YJEFN3: variants seen among roughly 807,000 people sequenced by gnomAD.
YJEFN3 encodes yjeF N-terminal domain-containing protein 3.
YJEFN3 carries 29 observed loss-of-function variants against 31.5 expected under a neutral mutation model. The ratio of observed to expected loss-of-function variants is 0.92; its 90% confidence interval spans 0.69 to 1.26. The LOEUF is 1.26. YJEFN3 is among the 50% of genes most tolerant of loss of function. YJEFN3 has a pLI of 0.00. For missense variants in YJEFN3, 442 were observed against 425.4 expected (o/e 1.04, Z -0.34); for synonymous variants, 227 against 196.1 (o/e 1.16, Z -1.32).
In YJEFN3 at chr19:19,537,437, C is replaced by A. The variant is rs780910624; in HGVS notation, c.813C>A (p.Ala271=). 1.3e-6 allele frequency: 2 copies of A among 1,588,584 alleles called. No homozygotes were observed. Among genetic ancestry groups the A allele is most frequent in the East Asian group, 4.5e-5 (2 of 44,192 alleles). The change falls in exon 7 of 7, where the codon GCC becomes GCA. Residue 271 remains alanine (A), a synonymous_variant. Coordinates refer to ENST00000514277, the MANE Select transcript of YJEFN3 (RefSeq NM_198537.4). ...TCTCCGGGCGCCACCACTTCGTGGCCGGCAGGTTCGTGCCCGATGACGTGC... is the reference window on the plus strand; with the variant it reads ...TCTCCGGGCGCCACCACTTCGTGGCAGGCAGGTTCGTGCCCGATGACGTGC... The part of the protein sequence containing the change: ...GRFSGRHHFV[A]GRFVPDDVRR...
chr19:19,535,738 G>A (rs1305596007), intron 6 of YJEFN3, 59 bp downstream of exon 6: 12 of 1,532,884 alleles, frequency 7.8e-6, no homozygotes, highest in Middle Eastern at 1.7e-4. Flanking sequence ...AGGCCCCTGT[G>A]CCCCAGCTCC....
intron 2 of YJEFN3, among the ~76,000 whole-genome samples, chr19:19,529,969 GC>G (rs1158218538): frequency 1.3e-5 from 2 of 152,132 alleles, no homozygotes; most frequent in Non-Finnish European, 2.9e-5. Context: ...AGTTTTCAAA[GC>G]CCCCCCAGGC....
At chr19:19,530,700 G>A (rs748618906) in intron 2 of YJEFN3, among the ~76,000 whole-genome samples, 40 of 152,242 alleles carry the variant, frequency 2.6e-4, no homozygotes, top group Non-Finnish European at 4.7e-4. Flanking sequence ...TGGGAGCTGC[G>A]CTGGCCTGCC....
At position 19,533,459 on chromosome 19, in the gene YJEFN3, T is replaced by C. The variant is rs1287796682; in HGVS notation, c.318+719T>C. Reference sequence around the variant, plus strand: ...TCGCCTTTCTCCTCCTTCCTCCTCCTCCTGCCCCCTCCTCTTACCCTCCTC... The same window carrying C: ...TCGCCTTTCTCCTCCTTCCTCCTCCCCCTGCCCCCTCCTCTTACCCTCCTC... On this transcript the variant is annotated intron_variant, in intron 3 of 6. Transcript: ENST00000514277. 6 of 943,174 alleles carry C rather than the reference T, an allele frequency of 6.4e-6. No homozygotes were observed. In the African/African-American group the frequency reaches 1.2e-4, roughly 19 times the overall value. 58.4% of individuals were successfully genotyped at this position (943,174 alleles called of 1,614,324 possible).
Position 19,528,937 on chromosome 19 carries a change from G to A in YJEFN3, c.5G>A (p.Ser2Asn). The A allele has an allele frequency of 2.6e-6, 4 of 1,548,752 alleles. No homozygotes were observed. The highest frequency in any genetic ancestry group is 3.5e-6 in the Non-Finnish European group (4 of 1,146,274). The stretch of plus-strand genomic sequence containing the variant: ...GCGCCCGGGCTCACCTCGGCCATGA[G>A]CAGCGCAGCCGGCCCAGACCCGTCG... M[S>N]SAAGPDPSEA... Residue 2 changes from serine to asparagine, a missense_variant, in exon 1 of 7, where the codon AGC becomes AAC. Physicochemically the swap from Ser to Asn is conservative, Grantham distance 46 (BLOSUM62 1). Transcript: ENST00000514277.
Position 19,537,452 on chromosome 19 carries a change from C to G in YJEFN3, c.828C>G (p.Pro276=), listed in dbSNP as rs1372969203. ...ACTTCGTGGCCGGCAGGTTCGTGCC[C>G]GATGACGTGCGCCGCAAGTTCGCTC... ...RHHFVAGRFV[P]DDVRRKFALR... The change falls in exon 7 of 7, where the codon CCC becomes CCG. Residue 276 remains proline, a synonymous_variant. Transcript: ENST00000514277. 4.4e-6 allele frequency: 7 copies of G among 1,586,518 alleles called. No homozygotes were observed. The highest frequency in any genetic ancestry group is 4.3e-6 in the Non-Finnish European group (5 of 1,172,658).
rs1191868040 is a variant in YJEFN3, at chr19:19,534,939, C to G, written c.319-95C>G. On this transcript the variant is annotated intron_variant, in intron 3 of 6. Coordinates refer to ENST00000514277, the MANE Select transcript of YJEFN3 (RefSeq NM_198537.4). This position sits in a 1 kb window ranked among gnomAD's most constrained non-coding sequence, Gnocchi z 4.6. ...CTATCCTGTTGCCTCCAGGCCCAAG[C>G]CCCATCCCTTCCCCTACTCCGGGCC... 1 of 1,123,940 alleles carries G rather than the reference C, an allele frequency of 8.9e-7. No homozygotes were observed. Among genetic ancestry groups the G allele is most frequent in the East Asian group, 2.5e-5 (1 of 40,652 alleles). 69.6% of individuals were successfully genotyped at this position (1,123,940 alleles called of 1,614,324 possible).
rs910473848 is a variant in YJEFN3 at position 19,534,003 on chromosome 19, G to A, written c.319-1031G>A. 1 of 985,490 alleles carries A rather than the reference G, an allele frequency of 1.0e-6. No individual in the cohort carries two copies. The highest frequency in any genetic ancestry group is 1.7e-5 in the African/African-American group (1 of 57,250). The allele number at this position is 985,490 out of a possible 1,614,324, so 61.0% of individuals were successfully genotyped here. A position where few individuals can be genotyped will look rare whatever the true frequency, so the allele number is the denominator to read the frequency against. On this transcript the variant is annotated intron_variant, in intron 3 of 6. Transcript: ENST00000514277. The surrounding 1 kb of genome is among the most constrained non-coding windows in gnomAD (Gnocchi z 4.6). ...GAAAGGGGAGTAATCTGCTGTCTGTGTGGTTGGAGCTTAAAGTACAGCTGG... is the reference window on the plus strand; with the variant it reads ...GAAAGGGGAGTAATCTGCTGTCTGTATGGTTGGAGCTTAAAGTACAGCTGG...
intron 3 of YJEFN3, chr19:19,533,519 CCTTT>C (rs1443034092): frequency 2.3e-5 from 18 of 778,852 alleles, no homozygotes; most frequent in African/African-American, 5.9e-5. Context: ...CCCTTCCGCC[CCTTT>C]CTTCTCTCCT....
Position 19,537,550 on chromosome 19 carries a change from G to T in YJEFN3, c.*26G>T. On this transcript the variant is annotated 3_prime_UTR_variant, in exon 7 of 7. Coordinates refer to ENST00000514277, the MANE Select transcript of YJEFN3 (RefSeq NM_198537.4). ...CCGCCACCCGCGGCCACACCGCAGGGACCCTCGCCAATAAACAGCCCTCCC... is the reference window on the plus strand; with the variant it reads ...CCGCCACCCGCGGCCACACCGCAGGTACCCTCGCCAATAAACAGCCCTCCC... The T allele has an allele frequency of 1.3e-6, 2 of 1,511,884 alleles. No homozygotes were observed. The highest frequency in any genetic ancestry group is 1.2e-5 in the South Asian group (1 of 81,274). 93.7% of individuals were successfully genotyped at this position (1,511,884 alleles called of 1,614,324 possible).
At position 19,534,012 on chromosome 19, in the gene YJEFN3, G is replaced by T; in HGVS notation, c.319-1022G>T. The T allele has an allele frequency of 1.3e-5, 13 of 985,644 alleles. No individual in the cohort carries two copies. Among genetic ancestry groups the T allele is most frequent in the Non-Finnish European group, 1.4e-5 (12 of 830,082 alleles). The allele number at this position is 985,644 out of a possible 1,614,324, so 61.1% of individuals were successfully genotyped here. On this transcript the variant is annotated intron_variant, in intron 3 of 6. Coordinates refer to ENST00000514277, the MANE Select transcript of YJEFN3 (RefSeq NM_198537.4). This position sits in a 1 kb window ranked among gnomAD's most constrained non-coding sequence, Gnocchi z 4.6. ...GTAATCTGCTGTCTGTGTGGTTGGA[G>T]CTTAAAGTACAGCTGGGGCTCAAGA... is the stretch of plus-strand genomic sequence containing the variant.
chr19:19,533,969 AG>A, intron 3 of YJEFN3: 1 of 985,462 alleles, frequency 1.0e-6, no homozygotes, highest in Non-Finnish European at 1.2e-6. Context: ...GCCTTTGGGG[AG>A]GATACTTGAA....
chr19:19,535,165 C>T (rs370270829), intron 4 of YJEFN3, 21 bp downstream of exon 4: 48 of 1,577,822 alleles, frequency 3.0e-5, no homozygotes, highest in Middle Eastern at 3.4e-4. Context: ...AGGACCCCTT[C>T]GACCTCCCAA....
intron 3 of YJEFN3, chr19:19,533,292 G>A (rs1441240955): frequency 1.0e-6 from 1 of 985,770 alleles, no homozygotes; most frequent in African/African-American, 1.7e-5. Context: ...CAGCAGTGCT[G>A]GGCATCAGTT....
In YJEFN3 at chr19:19,534,362, ACAGAGACACAAAGAGAGC is replaced by A. The variant is rs1329023881; in HGVS notation, c.319-661_319-644del. 2 of 194,822 alleles carry A rather than the reference ACAGAGACACAAAGAGAGC, an allele frequency of 1.0e-5. No individual in the cohort carries two copies. Among genetic ancestry groups the A allele is most frequent in the Admixed American group, 6.5e-5 (1 of 15,332 alleles). 12.1% of individuals were successfully genotyped at this position (194,822 alleles called of 1,614,324 possible). On this transcript the variant is annotated intron_variant, in intron 3 of 6. Coordinates refer to ENST00000514277, the MANE Select transcript of YJEFN3 (RefSeq NM_198537.4). The surrounding 1 kb of genome is among the most constrained non-coding windows in gnomAD (Gnocchi z 4.6). ...GACAGCCAGAGACAGATGGAGAGAGACAGAGACACAAAGAGAGCCAGAGACACAGAGAGTCTGAGAGAT... is the reference window on the plus strand; with the variant it reads ...GACAGCCAGAGACAGATGGAGAGAGACAGAGACACAGAGAGTCTGAGAGAT...
chr19:19,533,714 A>C, intron 3 of YJEFN3: 1 of 985,292 alleles, frequency 1.0e-6, no homozygotes, highest in Non-Finnish European at 1.2e-6. Flanking sequence ...TGTGGACTTA[A>C]ATGTTTGTAT....
At chr19:19,533,368 C>G in intron 3 of YJEFN3, 1 of 985,842 alleles carries the variant, frequency 1.0e-6, no homozygotes, top group Non-Finnish European at 1.2e-6. Flanking sequence ...CCTCAGAAAA[C>G]TGTCCCATAC....
Position 19,535,640 on chromosome 19 carries a change from C to G in YJEFN3, c.655C>G (p.Leu219Val), listed in dbSNP as rs779960391. The G allele has an allele frequency of 6.3e-7, 1 of 1,583,540 alleles. No homozygotes were observed. The highest frequency in any genetic ancestry group is 1.1e-5 in the South Asian group (1 of 87,812). The change falls in exon 6 of 7, where the codon CTG becomes GTG. Residue 219 changes from leucine to valine, a missense_variant. Coordinates refer to ENST00000514277, the MANE Select transcript of YJEFN3 (RefSeq NM_198537.4). Reference protein sequence around the residue: ...PCTRALATLKLLSIPLVSLDI... With the variant: ...PCTRALATLKVLSIPLVSLDI... ...CACCCGCGCGCTGGCCACGCTCAAG[C>G]TGCTGTCCATCCCCCTCGTGAGCCT...
chr19:19,529,957 CG>C (rs1276559722), intron 2 of YJEFN3, among the ~76,000 whole-genome samples: 8 of 152,156 alleles, frequency 5.3e-5, no homozygotes, highest in Non-Finnish European at 1.0e-4. Flanking sequence ...ATCTGGTGTT[CG>C]AGTTTTCAAA....
Sources: allele counts gnomAD v4.1 joint callset (sites outside exome capture counted in the v4.1 genomes callset), GRCh38; gene constraint gnomAD v4.1.1; non-coding constraint Gnocchi (gnomAD v3.1); transcripts MANE v1.5; gene names NCBI Gene and HGNC (gene_info 2026-07-23, HGNC 2026-07-21).